Variants in DAB2 observed in about 807,000 individuals in gnomAD.
The protein encoded by DAB2 is disabled homolog 2.
Under a neutral mutation model 71.6 loss-of-function variants are expected in DAB2, and 28 were observed. The ratio of observed to expected loss-of-function variants is 0.39; its 90% CI spans 0.29 to 0.54. The LOEUF is 0.54. Ranked by LOEUF, DAB2 falls within the 20% of genes least tolerant of loss-of-function variation. DAB2 has a pLI of 0.68. For synonymous variants in DAB2, 345 were observed against 339.7 expected, an observed-to-expected ratio of 1.02 and a Z score of -0.17; for missense variants, 867 against 928.8, an observed-to-expected ratio of 0.93 and a Z score of 0.86.
At position 39,389,837 on chromosome 5, in the gene DAB2, T is replaced by C; in HGVS notation, c.543+15A>G. 7.1e-7 allele frequency: 1 copy of C among 1,409,864 alleles called. No homozygotes were observed. Among genetic ancestry groups the C allele is most frequent in the Non-Finnish European group, 9.9e-7 (1 of 1,007,398 alleles). 87.3% of individuals were successfully genotyped at this position (1,409,864 alleles called of 1,614,324 possible). ...AGTTTTAAATTTAATAGAGCCTTAA[T>C]CAGGTAGTACTTGCCTTTTTCTTTT... On this transcript the variant is annotated intron_variant, in intron 6 of 14. Coordinates refer to ENST00000320816, the MANE Select transcript of DAB2 (RefSeq NM_001343.4).
At position 39,382,711 on chromosome 5, in the gene DAB2, C is replaced by T. The variant is rs142818221; in HGVS notation, c.1248G>A (p.Leu416=). ...GTGGTGAGGACTGGACAGAGCTTTC[C>T]AAGTCCTGCTTTACGCCATTCTGTA... ...LSIQNGVKQD[L]ESSVQSSPHD... Residue 416 remains leucine (L), a synonymous_variant, in exon 10 of 15, where the codon TTG becomes TTA. Transcript: ENST00000320816. 1.2e-6 allele frequency: 2 copies of T among 1,614,036 alleles called. No homozygotes were observed. The highest frequency in any genetic ancestry group is 2.7e-5 in the African/African-American group (2 of 74,928).
intron 1 of DAB2, among the ~76,000 whole-genome samples, chr5:39,395,027 G>T (rs1388027792): frequency 6.6e-6 from 1 of 152,032 alleles, no homozygotes; most frequent in African/African-American, 2.4e-5. Flanking sequence ...GGATTGAGGG[G>T]GTTCCAATTG....
Position 39,397,777 on chromosome 5 carries a change from T to C in DAB2, c.-101-3356A>G, listed in dbSNP as rs182034910. On this transcript the variant is annotated intron_variant, in intron 1 of 14. Transcript: ENST00000320816. ...CTTGAATATTAATCCTTATATGCTT[T>C]TAAAAACCATATTATTTTGGCTTTC... Among the ~76,000 whole-genome samples the C allele has an allele frequency of 3.9e-3, 599 of 152,302 alleles. 4 individuals are homozygous for C. Among genetic ancestry groups the C allele is most frequent in the African/African-American group, 0.014 (578 of 41,570 alleles).
At chr5:39,390,772 C>T (rs751117450) in intron 4 of DAB2, among the ~76,000 whole-genome samples, 197 bp from the exon 5 acceptor site, 14 of 152,194 alleles carry the variant, frequency 9.2e-5, no homozygotes, top group Non-Finnish European at 1.6e-4. Flanking sequence ...GAATAGAAAA[C>T]GTAAGTGGGA....
chr5:39,407,386 AT>A lies in DAB2; in HGVS notation c.-101-12966del, dbSNP rs370968465. The stretch of plus-strand genomic sequence containing the variant: ...AGGTGCTTGCCACACTGCCTGGCTA[AT>A]TTTTGTATTTTTAGTAGAGACAGGG... On this transcript the variant is annotated intron_variant, in intron 1 of 14. Coordinates refer to ENST00000320816, the MANE Select transcript of DAB2 (RefSeq NM_001343.4). Among the ~76,000 whole-genome samples, 205 of 152,196 alleles carry A rather than the reference AT, an allele frequency of 1.3e-3. 11 individuals are homozygous for A. The South Asian group carries it at 0.04, about 29-fold the overall frequency.
chr5:39,403,227 G>A (rs993241048), intron 1 of DAB2, among the ~76,000 whole-genome samples: 2 of 151,988 alleles, frequency 1.3e-5, no homozygotes, highest in Admixed American at 6.6e-5. Flanking sequence ...GAAAACTGAG[G>A]GCAAGAAAGA....
Position 39,394,254 on chromosome 5 carries a change from G to T in DAB2, c.67C>A (p.Pro23Thr), listed in dbSNP as rs757946742. The change falls in exon 2 of 15, where the codon CCC (proline) becomes ACC (threonine). Residue 23 changes from proline to threonine, a missense_variant. Around this residue, in one of 2 missense-constraint regions of DAB2, gnomAD observed 127 missense variants for 194.4 expected, o/e 0.65. Transcript: ENST00000320816. ...CCTTTCTTTTTTTCCTTCTTTGAGG[G>T]TGCTTTTGGTGCGGCCTGTTGGTCG... ...QPDQQAAPKA[P>T]SKKEKKKGPE... The T allele has an allele frequency of 1.5e-5, 24 of 1,613,848 alleles. No individual in the cohort carries two copies. Among genetic ancestry groups the T allele is most frequent in the Middle Eastern group, 1.6e-4 (1 of 6,084 alleles).
chr5:39,390,766 A>G (rs1755207802), intron 4 of DAB2, among the ~76,000 whole-genome samples, 191 bp from the exon 5 acceptor site: 1 of 152,214 alleles, frequency 6.6e-6, no homozygotes, highest in South Asian at 2.1e-4. Context: ...AAAGAAGAAT[A>G]GAAAACGTAA....
chr5:39,421,899 C>T (rs1009892581), intron 1 of DAB2, among the ~76,000 whole-genome samples: 1 of 18,246 alleles, frequency 5.5e-5, no homozygotes, highest in African/African-American at 2.6e-4. Flanking sequence ...TCTACTACTA[C>T]TACAAAAAAA....
intron 1 of DAB2, among the ~76,000 whole-genome samples, chr5:39,416,408 T>C (rs963709562): frequency 5.9e-5 from 9 of 152,120 alleles, no homozygotes; most frequent in African/African-American, 2.2e-4. Context: ...ACTGGCCTCC[T>C]AGCTTTCCTG....
At chr5:39,379,635 G>A (rs753095562) in intron 11 of DAB2, among the ~76,000 whole-genome samples, 5 of 152,044 alleles carry the variant, frequency 3.3e-5, no homozygotes, top group Non-Finnish European at 7.4e-5. Flanking sequence ...CATGGGTATA[G>A]AACATTAATT....
chr5:39,377,619 C>G (rs1754864226), intron 11 of DAB2, among the ~76,000 whole-genome samples: 1 of 152,182 alleles, frequency 6.6e-6, no homozygotes, highest in South Asian at 2.1e-4. Context: ...TGATACATCT[C>G]AAACAACTAG....
intron 1 of DAB2, among the ~76,000 whole-genome samples, chr5:39,406,439 G>A (rs935400111): frequency 2.0e-5 from 3 of 152,150 alleles, no homozygotes; most frequent in African/African-American, 7.2e-5. Flanking sequence ...TTTCTTCAGT[G>A]GCTAAAACCC....
intron 9 of DAB2, 49 bp downstream of exon 9, chr5:39,388,256 G>A (rs775568477): frequency 1.3e-5 from 18 of 1,348,774 alleles, no homozygotes; most frequent in South Asian, 2.5e-5. Flanking sequence ...GCCAATTTGA[G>A]TTATAGATGT....
intron 14 of DAB2, 158 bp downstream of exon 14, chr5:39,374,856 T>C (rs1024382339): frequency 6.4e-6 from 4 of 626,822 alleles, no homozygotes; most frequent in African/African-American, 1.9e-5. Flanking sequence ...AGCCTAGTCA[T>C]TATTGAATGA....
chr5:39,396,863 G>A (rs2112070416), intron 1 of DAB2, among the ~76,000 whole-genome samples: 1 of 152,332 alleles, frequency 6.6e-6, no homozygotes, highest in Admixed American at 6.5e-5. Flanking sequence ...TGAAAGGTGT[G>A]GAAGGGTGTA....
At position 39,422,083 on chromosome 5, in the gene DAB2, CA is replaced by C. The variant is rs1383724003; in HGVS notation, c.-102+2720del. 6.6e-6 allele frequency among the ~76,000 whole-genome samples: 1 copy of C among 151,988 alleles called. No individual in the cohort carries two copies. The highest frequency in any genetic ancestry group is 1.9e-4 in the East Asian group (1 of 5,182). ...AGACTCTGTCTCAAACAAAACAAAA[CA>C]AAACAAAACAAAAATCTGTTTCACC... On this transcript the variant is annotated intron_variant, in intron 1 of 14. Transcript: ENST00000320816. The surrounding 1 kb of genome is among the most constrained non-coding windows in gnomAD (Gnocchi z 4.1).
chr5:39,376,545 A>T (rs1754835397), intron 12 of DAB2, 105 bp downstream of exon 12: 1 of 1,339,230 alleles, frequency 7.5e-7, no homozygotes, highest in Non-Finnish European at 1.0e-6. Context: ...AAGCAAGAGC[A>T]AAGCTGTTGG....
At chr5:39,391,973 A>ATAT (rs1561371460) in intron 4 of DAB2, among the ~76,000 whole-genome samples, 7 of 145,358 alleles carry the variant, frequency 4.8e-5, no homozygotes, top group African/African-American at 1.8e-4. Flanking sequence ...GTCAAAAAAA[A>ATAT]AAAAAAAAAT....
Sources: gnomAD v4.1 joint callset for allele counts (sites outside exome capture counted in the v4.1 genomes callset) on GRCh38, gnomAD v4.1.1 for gene constraint, gnomAD v4.1.1 regional missense constraint, Gnocchi (gnomAD v3.1) non-coding constraint, MANE v1.5 for transcripts, NCBI Gene and HGNC (gene_info 2026-07-23, HGNC 2026-07-21) for gene names.